STPG2: variants seen among roughly 807,000 people sequenced by gnomAD.
STPG2 encodes the protein sperm tail PG-rich repeat containing 2, also known as sperm-tail PG-rich repeat-containing protein 2.
Under a neutral mutation model 54.2 loss-of-function variants are expected in STPG2, and 56 were observed. The ratio of observed to expected loss-of-function variants is 1.03; its 90% confidence interval spans 0.83 to 1.29. The LOEUF (loss-of-function observed/expected upper bound fraction) is 1.29, where lower values mean the gene tolerates loss of function less well. STPG2 is among the 50% of genes most tolerant of loss of function. The pLI is 0.00. For missense variants in STPG2, 596 were observed against 544.9 expected (o/e 1.09, Z -0.93); for synonymous variants, 200 against 181.8 (o/e 1.10, Z -0.81).
intron 8 of STPG2, among the ~76,000 whole-genome samples, chr4:97,905,008 T>G (rs1279051680): frequency 6.6e-6 from 1 of 152,018 alleles, no homozygotes; most frequent in South Asian, 2.1e-4. Flanking sequence ...ACGGGGAGAA[T>G]GGAACCAAGT....
At chr4:97,510,965 C>T (rs182600386) in intron 4 of STPG2, among the ~76,000 whole-genome samples, 3 of 151,772 alleles carry the variant, frequency 2.0e-5, no homozygotes, top group Non-Finnish European at 2.9e-5. Flanking sequence ...AAACTCCCAT[C>T]TCTAATAATA....
chr4:97,499,738 G>C (rs114724323), intron 4 of STPG2, among the ~76,000 whole-genome samples: 2,125 of 152,044 alleles, frequency 0.014, 43 homozygotes, highest in African/African-American at 0.048. Context: ...AGGCTGGAAG[G>C]AAGTGAGAGA....
intron 5 of STPG2, among the ~76,000 whole-genome samples, chr4:98,041,899 G>A (rs763872997): frequency 2.0e-5 from 3 of 151,912 alleles, no homozygotes; most frequent in African/African-American, 7.2e-5. Flanking sequence ...AATAATTTCC[G>A]CAGAATTGGT....
intron 4 of STPG2, among the ~76,000 whole-genome samples, chr4:97,454,621 A>G (rs1428070967): frequency 6.6e-6 from 1 of 151,326 alleles, no homozygotes; most frequent in African/African-American, 2.4e-5. Context: ...AAATAAATAT[A>G]TAGCATATCT....
At chr4:98,119,935 C>G (rs946665636) in intron 3 of STPG2, among the ~76,000 whole-genome samples, 1 of 152,100 alleles carries the variant, frequency 6.6e-6, no homozygotes, top group Non-Finnish European at 1.5e-5. Flanking sequence ...TATGGTCAAT[C>G]CTTTTTATGG....
intron 8 of STPG2, among the ~76,000 whole-genome samples, chr4:97,907,915 C>A (rs1202249773): frequency 6.6e-6 from 1 of 152,176 alleles, no homozygotes. Flanking sequence ...CATAAAAACC[C>A]TAGAAGAAAA....
intron 8 of STPG2, among the ~76,000 whole-genome samples, chr4:97,929,527 C>T (rs977280651): frequency 6.6e-6 from 1 of 152,184 alleles, no homozygotes; most frequent in African/African-American, 2.4e-5. Context: ...TCTGCAACCT[C>T]ACTAGAATCT....
At chr4:97,759,852 T>C (rs1725839794) in intron 9 of STPG2, among the ~76,000 whole-genome samples, 1 of 152,168 alleles carries the variant, frequency 6.6e-6, no homozygotes, top group Admixed American at 6.5e-5. Flanking sequence ...CTAGGAATTA[T>C]AGGCAACTGA....
chr4:98,022,192 G>A (rs1384405575), intron 5 of STPG2, among the ~76,000 whole-genome samples: 1 of 151,956 alleles, frequency 6.6e-6, no homozygotes, highest in Non-Finnish European at 1.5e-5. Flanking sequence ...TTCCTTCAGG[G>A]GCTCTTTTAG....
intron 4 of STPG2, among the ~76,000 whole-genome samples, chr4:97,541,057 C>T (rs1160473747): frequency 6.6e-6 from 1 of 152,064 alleles, no homozygotes; most frequent in African/African-American, 2.4e-5. Context: ...TGAAAAATGG[C>T]ACAAGACAGG....
At position 97,974,215 on chromosome 4, in the gene STPG2, T is replaced by C. The variant is rs528288829; in HGVS notation, c.773-1775A>G. Among the ~76,000 whole-genome samples, 489 of 152,330 alleles carry C rather than the reference T, an allele frequency of 3.2e-3. 2 individuals carry two copies. Among genetic ancestry groups the C allele is most frequent in the Admixed American group, 6.3e-3 (96 of 15,306 alleles). ...GGATTTCAGACTTGCATAGGGCCTG[T>C]AGCCCCTTTGTTTCAGTCAATTTCT... On this transcript the variant is annotated intron_variant, in intron 6 of 10. Coordinates refer to ENST00000295268, the MANE Select transcript of STPG2 (RefSeq NM_174952.3).
chr4:97,991,365 G>GTA (rs778894578), intron 5 of STPG2, among the ~76,000 whole-genome samples: 24 of 147,774 alleles, frequency 1.6e-4, no homozygotes, highest in South Asian at 6.4e-4. Flanking sequence ...TGTGTGTGGT[G>GTA]TATATATATA....
At chr4:97,898,468 ATATT>A (rs1185605283) in intron 8 of STPG2, among the ~76,000 whole-genome samples, 2 of 151,906 alleles carry the variant, frequency 1.3e-5, no homozygotes, top group East Asian at 3.9e-4. Context: ...CAGTAATTGA[ATATT>A]TAATCATAAA....
chr4:97,547,823 G>T (rs904021976), intron 4 of STPG2, among the ~76,000 whole-genome samples: 1 of 152,110 alleles, frequency 6.6e-6, no homozygotes, highest in African/African-American at 2.4e-5. Context: ...TTCGAGGAAG[G>T]GAGCTCTATT....
intron 5 of STPG2, among the ~76,000 whole-genome samples, chr4:98,023,169 T>C (rs186036702): frequency 1.3e-5 from 2 of 152,304 alleles, no homozygotes; most frequent in Non-Finnish European, 2.9e-5. Flanking sequence ...TGGTCTTTGA[T>C]GATGGTGAAG....
At chr4:98,100,242 T>TAA (rs766488147) in intron 5 of STPG2, among the ~76,000 whole-genome samples, 18 of 152,300 alleles carry the variant, frequency 1.2e-4, no homozygotes, top group Non-Finnish European at 2.4e-4. Context: ...AAAGCATTAC[T>TAA]AAACATAGGT....
chr4:98,123,760 A>G (rs915880510), intron 3 of STPG2, among the ~76,000 whole-genome samples: 1 of 151,950 alleles, frequency 6.6e-6, no homozygotes, highest in Non-Finnish European at 1.5e-5. Context: ...TTCTGTCTTG[A>G]TGATCTAATA....
At chr4:97,528,272 CTTGT>C (rs1307329522) in intron 4 of STPG2, among the ~76,000 whole-genome samples, 1 of 152,052 alleles carries the variant, frequency 6.6e-6, no homozygotes, top group African/African-American at 2.4e-5. Context: ...TTCCCCATTG[CTTGT>C]TTTTGTCAGG....
intron 7 of STPG2, among the ~76,000 whole-genome samples, chr4:97,970,024 C>G (rs1487034785): frequency 6.6e-6 from 1 of 152,152 alleles, no homozygotes; most frequent in African/African-American, 2.4e-5. Context: ...AACAGACAAA[C>G]AGAGAGCCCA....
Sources: gnomAD v4.1 joint callset for allele counts (sites outside exome capture counted in the v4.1 genomes callset) on GRCh38, gnomAD v4.1.1 for gene constraint, MANE v1.5 for transcripts, NCBI Gene and HGNC (gene_info 2026-07-23, HGNC 2026-07-21) for gene names.